UGGT1: variants seen among roughly 807,000 people sequenced by gnomAD.
UGGT1 encodes UDP-glucose:glycoprotein glucosyltransferase 1.
Under a neutral mutation model 203.9 loss-of-function variants are expected in UGGT1, and 107 were observed. The ratio of observed to expected loss-of-function variants is 0.52; its 90% confidence interval spans 0.45 to 0.62. UGGT1 has a LOEUF of 0.62. Ranked by LOEUF, UGGT1 falls within the 20% of genes least tolerant of loss-of-function variation. The probability of loss-of-function intolerance (pLI) is 0.00; values close to 1 mark genes in which losing one functional copy is unlikely to be tolerated. For missense variants in UGGT1, 1,673 were observed against 1,867.2 expected, an observed-to-expected ratio of 0.90 and a Z score of 1.92; for synonymous variants, 628 against 653.5, an observed-to-expected ratio of 0.96 and a Z score of 0.59.
chr2:128,144,650 T>G (rs768286555), intron 17 of UGGT1, among the ~76,000 whole-genome samples: 5 of 152,222 alleles, frequency 3.3e-5, no homozygotes, highest in Non-Finnish European at 5.9e-5. Context: ...TAAACTATGA[T>G]GTAGAGAAGT....
Position 128,159,487 on chromosome 2 carries a change from G to T in UGGT1, c.2356-27G>T. ...TTAAGTTCAAAAATATCTACAATAT[G>T]ACTCCCGTTTCCCATTTTGTGAACA... is the stretch of plus-strand genomic sequence containing the variant. On this transcript the variant is annotated intron_variant, in intron 22 of 40. Coordinates refer to ENST00000259253, the MANE Select transcript of UGGT1 (RefSeq NM_020120.4). 3 of 1,596,866 alleles carry T rather than the reference G, an allele frequency of 1.9e-6. No individual in the cohort carries two copies. The South Asian group carries it at 3.3e-5, about 18-fold the overall frequency.
intron 27 of UGGT1, 47 bp from the exon 28 acceptor site, chr2:128,171,158 C>G (rs2104781128): frequency 5.2e-6 from 8 of 1,546,302 alleles, no homozygotes; most frequent in Non-Finnish European, 6.2e-6. Flanking sequence ...TAATAAATTT[C>G]TGAAGAAAAA....
chr2:128,117,954 G>A (rs1688196323), intron 8 of UGGT1, among the ~76,000 whole-genome samples: 2 of 140,618 alleles, frequency 1.4e-5, no homozygotes, highest in South Asian at 4.4e-4. Context: ...TTTTTATTAG[G>A]ACATTTTGTG....
chr2:128,098,748 C>CA (rs60029946), intron 2 of UGGT1, among the ~76,000 whole-genome samples: 25,045 of 94,616 alleles, frequency 0.26, 2,291 homozygotes, highest in Non-Finnish European at 0.29. Context: ...GACTCCGTCT[C>CA]AAAAAAAAAA....
In UGGT1 at chr2:128,155,564, G is replaced by A. The variant is rs201653731; in HGVS notation, c.2213G>A (p.Ser738Asn). 3.7e-6 allele frequency: 6 copies of A among 1,612,560 alleles called. No homozygotes were observed. In the East Asian group the frequency reaches 1.1e-4, roughly 30 times the overall value. Residue 738 changes from serine (S) to asparagine (N), a missense_variant, in exon 20 of 41, where the codon AGT becomes AAT. Coordinates refer to ENST00000259253, the MANE Select transcript of UGGT1 (RefSeq NM_020120.4). ...GGCAAGACTGCTGCTGTAGCCAATA[G>A]TATGAACTATCTGACAAAGAAAGGT... is the stretch of plus-strand genomic sequence containing the variant. Reference protein sequence around the residue: ...SQGKTAAVANSMNYLTKKGMS... With the variant: ...SQGKTAAVANNMNYLTKKGMS...
At chr2:128,122,165 G>C (rs1311987754) in intron 10 of UGGT1, among the ~76,000 whole-genome samples, 1 of 152,044 alleles carries the variant, frequency 6.6e-6, no homozygotes, top group Non-Finnish European at 1.5e-5. Context: ...GTAGAGACAG[G>C]GTTTTGCCAT....
chr2:128,108,098 T>C, intron 4 of UGGT1, 30 bp downstream of exon 4: 2 of 1,613,296 alleles, frequency 1.2e-6, no homozygotes, highest in East Asian at 4.5e-5. Context: ...AGAACAGCAT[T>C]TTAGAGTGTA....
At chr2:128,108,698 A>G (rs1258726365) in intron 4 of UGGT1, among the ~76,000 whole-genome samples, 1 of 152,058 alleles carries the variant, frequency 6.6e-6, no homozygotes, top group Non-Finnish European at 1.5e-5. Flanking sequence ...GTAATGGACT[A>G]TTATAATGTG....
At chr2:128,110,430 C>G (rs373464021) in intron 5 of UGGT1, among the ~76,000 whole-genome samples, 3 of 152,162 alleles carry the variant, frequency 2.0e-5, no homozygotes, top group East Asian at 3.9e-4. Flanking sequence ...CTCTGCCCAC[C>G]AAATGGCATT....
At position 128,147,290 on chromosome 2, in the gene UGGT1, A is replaced by G. The variant is rs114155209; in HGVS notation, c.2016+1323A>G. On this transcript the variant is annotated intron_variant, in intron 18 of 40. Transcript: ENST00000259253. Reference sequence around the variant, plus strand: ...ATCTGCTATTGAGCCTCTCTAGTGAATGCTTCATTTCAGTTATTATAAATC... The same window carrying G: ...ATCTGCTATTGAGCCTCTCTAGTGAGTGCTTCATTTCAGTTATTATAAATC... 7.5e-4 allele frequency among the ~76,000 whole-genome samples: 114 copies of G among 152,278 alleles called. 1 individual carries two copies. Among genetic ancestry groups the G allele is most frequent in the African/African-American group, 2.7e-3 (112 of 41,556 alleles).
chr2:128,139,274 C>G (rs969049169), intron 16 of UGGT1, among the ~76,000 whole-genome samples: 7 of 152,182 alleles, frequency 4.6e-5, no homozygotes, highest in African/African-American at 1.7e-4. Context: ...CTTTTTGAGA[C>G]CAGATCTTGT....
At chr2:128,128,995 C>G in intron 12 of UGGT1, 34 bp from the exon 13 acceptor site, 1 of 1,472,006 alleles carries the variant, frequency 6.8e-7, no homozygotes, top group Non-Finnish European at 9.0e-7. Flanking sequence ...AGCTTTTTTT[C>G]CTAGTAAATA....
At chr2:128,171,547 G>A (rs144048753) in intron 28 of UGGT1, among the ~76,000 whole-genome samples, 64 of 152,170 alleles carry the variant, frequency 4.2e-4, no homozygotes, top group African/African-American at 1.5e-3. Flanking sequence ...TCGCTCTGTC[G>A]CCCAGATTGG....
chr2:128,106,469 T>TCTAGA (rs1687609654), intron 3 of UGGT1, among the ~76,000 whole-genome samples: 1 of 152,214 alleles, frequency 6.6e-6, no homozygotes, highest in Non-Finnish European at 1.5e-5. Flanking sequence ...TTATCTAGTT[T>TCTAGA]TACGTAGAGG....
In UGGT1 at chr2:128,149,509, C is replaced by T. The variant is rs773397760; in HGVS notation, c.2017-3275C>T. 9.5e-4 allele frequency among the ~76,000 whole-genome samples: 144 copies of T among 150,856 alleles called. 1 individual carries two copies. The highest frequency in any genetic ancestry group is 4.4e-4 in the Non-Finnish European group (30 of 67,652). ...AACACACAAAAAAAATTAGGCCGGG[C>T]GCGGTGGCTCACTTGGGAAACCGAG... On this transcript the variant is annotated intron_variant, in intron 18 of 40. Transcript: ENST00000259253.
intron 13 of UGGT1, among the ~76,000 whole-genome samples, 154 bp from the exon 14 acceptor site, chr2:128,132,987 G>T (rs895876353): frequency 1.4e-4 from 21 of 152,180 alleles, no homozygotes; most frequent in African/African-American, 5.1e-4. Flanking sequence ...GATTACAGAT[G>T]TGAGCCACTC....
chr2:128,163,686 C>T (rs1424980871), intron 25 of UGGT1, among the ~76,000 whole-genome samples: 2 of 151,290 alleles, frequency 1.3e-5, no homozygotes, highest in African/African-American at 2.4e-5. Flanking sequence ...TGCACTCCAG[C>T]CTGGGCGATA....
At chr2:128,099,794 A>G (rs1345557983) in intron 2 of UGGT1, among the ~76,000 whole-genome samples, 1 of 152,208 alleles carries the variant, frequency 6.6e-6, no homozygotes, top group Non-Finnish European at 1.5e-5. Flanking sequence ...TTGATACAGC[A>G]TAGTTGTAAA....
chr2:128,137,129 T>C (rs1308321039), intron 15 of UGGT1, among the ~76,000 whole-genome samples: 2 of 152,258 alleles, frequency 1.3e-5, no homozygotes, highest in African/African-American at 4.8e-5. Flanking sequence ...TTAAGAGTTC[T>C]TTGTAAGCCA....
Sources: allele counts gnomAD v4.1 joint callset (sites outside exome capture counted in the v4.1 genomes callset), GRCh38; gene constraint gnomAD v4.1.1; transcripts MANE v1.5; gene names NCBI Gene and HGNC (gene_info 2026-07-23, HGNC 2026-07-21).